The following ZNF37A variants were observed in gnomAD, a reference collection of about 807,000 sequenced individuals.
ZNF37A encodes the protein zinc finger protein 37a (KOX 21).
A neutral mutation model predicts 12.3 loss-of-function variants in ZNF37A; 10 were observed. The ratio of observed to expected loss-of-function variants is 0.82; its 90% CI spans 0.50 to 1.38. The LOEUF (loss-of-function observed/expected upper bound fraction) is 1.38, where lower values mean the gene tolerates loss of function less well. ZNF37A is among the 40% of genes most tolerant of loss of function. The probability of loss-of-function intolerance (pLI) is 0.00; values close to 1 mark genes in which losing one functional copy is unlikely to be tolerated. For missense variants in ZNF37A, 580 were observed against 651.2 expected (o/e 0.89, Z 1.19); for synonymous variants, 207 against 223.0 (o/e 0.93, Z 0.64).
chr10:38,133,957 C>T (rs1483095708), intron 7 of ZNF37A, among the ~76,000 whole-genome samples: 1 of 152,176 alleles, frequency 6.6e-6, no homozygotes, highest in Non-Finnish European at 1.5e-5. Context: ...CACATAGTCC[C>T]GTATTTCTTG....
rs1452405502 is a variant in ZNF37A, at chr10:38,112,756, T to G, written c.16-1999T>G. On this transcript the variant is annotated intron_variant, in intron 5 of 7. Transcript: ENST00000685332. ...TTTTCTTTTCTTTTCTTTTCTTTTC[T>G]TTTCTTTTCTTTTCTTTTCTTTTCT... Among the ~76,000 whole-genome samples, 21 of 51,194 alleles carry G rather than the reference T, an allele frequency of 4.1e-4. 4 individuals carry two copies. The highest frequency in any genetic ancestry group is 7.8e-4 in the African/African-American group (10 of 12,846). 33.6% of individuals were successfully genotyped at this position (51,194 alleles called of 152,430 possible). A position where few individuals can be genotyped will look rare whatever the true frequency, so the allele number is the denominator to read the frequency against.
At chr10:38,116,640 A>G (rs1195906043) in intron 7 of ZNF37A, among the ~76,000 whole-genome samples, 1 of 152,198 alleles carries the variant, frequency 6.6e-6, no homozygotes, top group Non-Finnish European at 1.5e-5. Context: ...TTAAAAAAAA[A>G]GTGTTTGTTC....
At position 38,146,794 on chromosome 10, in the gene ZNF37A, G is replaced by A. The variant is rs1045700858; in HGVS notation, c.301G>A (p.Val101Met). Residue 101 changes from valine to methionine, a missense_variant, in exon 8 of 8, where the codon GTG becomes ATG. By Grantham distance (21) the Val-to-Met change is conservative. Coordinates refer to the ZNF37A transcript ENST00000638053. ...GATTTGTGCCGAGACCAGCTCGGTCGTGGAGACTCCAACCGAGCGGCACTA... is the reference window on the plus strand; with the variant it reads ...GATTTGTGCCGAGACCAGCTCGGTCATGGAGACTCCAACCGAGCGGCACTA... 8.8e-5 allele frequency: 35 copies of A among 398,464 alleles called. No homozygotes were observed. The Admixed American group carries it at 1.4e-3, about 16-fold the overall frequency. The allele number at this position is 398,464 out of a possible 1,614,324, so 24.7% of individuals were successfully genotyped here. A position where few individuals can be genotyped will look rare whatever the true frequency, so the allele number is the denominator to read the frequency against.
intron 7 of ZNF37A, chr10:38,142,562 G>T (rs188829166): frequency 6.6e-6 from 1 of 152,216 alleles, no homozygotes; most frequent in Non-Finnish European, 1.5e-5. Context: ...GATCATTTGG[G>T]AACCCTGAGC....
chr10:38,106,883 G>C (rs1405361821), intron 5 of ZNF37A, among the ~76,000 whole-genome samples: 1 of 152,266 alleles, frequency 6.6e-6, no homozygotes, highest in East Asian at 1.9e-4. Flanking sequence ...TGTTTGATTG[G>C]TGTACCTGAA....
At chr10:38,126,789 G>A (rs554642805), downstream of ZNF37A, among the ~76,000 whole-genome samples, 3 of 152,112 alleles carry the variant, frequency 2.0e-5, no homozygotes, top group Non-Finnish European at 4.4e-5. Flanking sequence ...TCGCACACTT[G>A]TGAAGCCAAC....
At chr10:38,100,785 T>C (rs1401007464) in intron 5 of ZNF37A, among the ~76,000 whole-genome samples, 1 of 152,162 alleles carries the variant, frequency 6.6e-6, no homozygotes, top group Non-Finnish European at 1.5e-5. Flanking sequence ...AAGACAGGCA[T>C]AGGAAATCAC....
intron 5 of ZNF37A, among the ~76,000 whole-genome samples, chr10:38,098,258 A>G (rs1246687323): frequency 6.6e-6 from 1 of 152,252 alleles, no homozygotes; most frequent in Non-Finnish European, 1.5e-5. Context: ...CGCTATCGTG[A>G]ATAGTGCTCC....
chr10:38,101,343 G>T (rs1239197404), intron 5 of ZNF37A, among the ~76,000 whole-genome samples: 1 of 137,168 alleles, frequency 7.3e-6, no homozygotes, highest in African/African-American at 2.7e-5. Flanking sequence ...GATTCATTTT[G>T]AGTTAATTTT....
chr10:38,147,304 T>C (rs888943972), exon 8 of ZNF37A: 1 of 152,218 alleles, frequency 6.6e-6, no homozygotes, highest in African/African-American at 2.4e-5. Flanking sequence ...GTCCTGGAAC[T>C]AATCCTCTGG....
downstream of ZNF37A, chr10:38,124,630 A>G (rs1057479268): frequency 6.6e-6 from 1 of 152,224 alleles, no homozygotes; most frequent in Non-Finnish European, 1.5e-5. Context: ...TAGGAAGACC[A>G]TTGTTAATAT....
intron 7 of ZNF37A, chr10:38,143,669 C>T (rs1009540097): frequency 1.7e-4 from 26 of 152,316 alleles, no homozygotes; most frequent in African/African-American, 6.3e-4. Flanking sequence ...CTTCATTGCT[C>T]TGTTGTCAAG....
chr10:38,121,316 A>G lies in ZNF37A; in HGVS notation c.*2479A>G, dbSNP rs762359323. 4.6e-5 allele frequency: 7 copies of G among 152,216 alleles called. No homozygotes were observed. The highest frequency in any genetic ancestry group is 7.2e-5 in the African/African-American group (3 of 41,452). 9.4% of individuals were successfully genotyped at this position (152,216 alleles called of 1,614,324 possible). A position where few individuals can be genotyped will look rare whatever the true frequency, so the allele number is the denominator to read the frequency against. ...TCTAGCCATATCCATAAACTATATC[A>G]TCACCAAGAGATGTTTATTAGGGCA... On this transcript the variant is annotated 3_prime_UTR_variant, in exon 8 of 8. Transcript: ENST00000685332.
chr10:38,096,719 A>T (rs2067183070), intron 5 of ZNF37A, 87 bp downstream of exon 5: 1 of 1,338,582 alleles, frequency 7.5e-7, no homozygotes, highest in Non-Finnish European at 1.1e-6. Context: ...AAGTAGAAAT[A>T]ACATCAGGGA....
At chr10:38,113,005 A>G (rs1410983931) in intron 5 of ZNF37A, among the ~76,000 whole-genome samples, 1 of 151,550 alleles carries the variant, frequency 6.6e-6, no homozygotes, top group African/African-American at 2.4e-5. Flanking sequence ...ACAGGGTTTC[A>G]CCATGTTAGC....
At chr10:38,132,459 A>T (rs1253468279) in intron 7 of ZNF37A, among the ~76,000 whole-genome samples, 1 of 152,090 alleles carries the variant, frequency 6.6e-6, no homozygotes, top group East Asian at 1.9e-4. Flanking sequence ...AATGCTATTC[A>T]CTCATAATGA....
rs1213816887 is a variant in ZNF37A at position 38,117,634 on chromosome 10, C to T, written c.483C>T (p.Phe161=). The T allele has an allele frequency of 8.1e-6, 13 of 1,613,886 alleles. No individual in the cohort carries two copies. The highest frequency in any genetic ancestry group is 1.0e-5 in the Non-Finnish European group (12 of 1,179,970). ...AAGCTTTCCCTGAGAATTCACTCTTCCTTGTACATAAGAGAGGTTACACAG... is the reference window on the plus strand; with the variant it reads ...AAGCTTTCCCTGAGAATTCACTCTTTCTTGTACATAAGAGAGGTTACACAG... ...CGKAFPENSL[F]LVHKRGYTGQ... is the part of the protein sequence containing the mutation. Residue 161 remains phenylalanine (F), a synonymous_variant, in exon 8 of 8, where the codon TTC becomes TTT. Transcript: ENST00000685332.
downstream of ZNF37A, among the ~76,000 whole-genome samples, chr10:38,126,359 C>G (rs1023982112): frequency 2.6e-5 from 4 of 152,124 alleles, no homozygotes; most frequent in African/African-American, 7.2e-5. Flanking sequence ...CTCATCTAAC[C>G]ACCTGCTGCC....
At chr10:38,106,050 A>G (rs1386479877) in intron 5 of ZNF37A, among the ~76,000 whole-genome samples, 2 of 152,078 alleles carry the variant, frequency 1.3e-5, no homozygotes, top group Non-Finnish European at 2.9e-5. Context: ...AAGCACTATC[A>G]TTGCCTGTTC....
Sources: gnomAD v4.1 joint callset for allele counts (sites outside exome capture counted in the v4.1 genomes callset) on GRCh38, gnomAD v4.1.1 for gene constraint, MANE v1.5 for transcripts, NCBI Gene and HGNC (gene_info 2026-07-23, HGNC 2026-07-21) for gene names.